PTPRM: variants seen among roughly 807,000 people sequenced by gnomAD.
The protein encoded by PTPRM is receptor-type tyrosine-protein phosphatase mu.
Under a neutral mutation model 186.7 loss-of-function variants are expected in PTPRM, and 47 were observed. The observed-to-expected ratio is 0.25, with a 90% CI of 0.20 to 0.32. The LOEUF (loss-of-function observed/expected upper bound fraction) is 0.32, where lower values mean the gene tolerates loss of function less well. Ranked by LOEUF, PTPRM falls within the 10% of genes least tolerant of loss-of-function variation. The probability of loss-of-function intolerance (pLI) is 1.00; values close to 1 mark genes in which losing one functional copy is unlikely to be tolerated. For synonymous variants in PTPRM, 668 were observed against 674.9 expected (o/e 0.99, Z 0.16); for missense variants, 1,494 against 1,865.0 (o/e 0.80, Z 3.66).
chr18:7,876,140 A>G (rs1051656133), intron 2 of PTPRM, among the ~76,000 whole-genome samples: 6 of 148,774 alleles, frequency 4.0e-5, no homozygotes, highest in African/African-American at 5.0e-5. Flanking sequence ...GTGTGTGTGC[A>G]TGTGTGTGTG....
intron 14 of PTPRM, among the ~76,000 whole-genome samples, chr18:8,241,068 C>T (rs1215327454): frequency 6.6e-6 from 1 of 152,186 alleles, no homozygotes; most frequent in Non-Finnish European, 1.5e-5. Flanking sequence ...TGGCTCATGC[C>T]TGTAATCCCA....
intron 1 of PTPRM, among the ~76,000 whole-genome samples, chr18:7,723,374 A>G (rs556955647): frequency 6.6e-6 from 1 of 152,318 alleles, no homozygotes; most frequent in South Asian, 2.1e-4. Context: ...AGTAGATACC[A>G]TTAACCTAAT....
Position 8,076,544 on chromosome 18 carries a change from G to A in PTPRM, c.1531G>A (p.Gly511Ser). ...LQWREPTQTY[G>S]VITLYEITYK... ...GTGGAGAGAACCAACTCAAACATAT[G>A]GTGTAATCACTTTATATGAGGTAAT... Residue 511 changes from glycine to serine, a missense_variant, in exon 9 of 33, where the codon GGT becomes AGT. Gly to Ser is a moderately conservative substitution (Grantham distance 56). This residue lies in a region of PTPRM where 1,107 missense variants were observed against 1,350.2 expected (regional missense o/e 0.82). Coordinates refer to ENST00000580170, the MANE Select transcript of PTPRM (RefSeq NM_001105244.2). The A allele has an allele frequency of 6.3e-7, 1 of 1,575,756 alleles. No homozygotes were observed. The highest frequency in any genetic ancestry group is 8.7e-7 in the Non-Finnish European group (1 of 1,147,040).
chr18:8,298,090 T>C (rs6506572), intron 20 of PTPRM, among the ~76,000 whole-genome samples: 105,246 of 152,120 alleles, frequency 0.69, 37,742 homozygotes, highest in African/African-American at 0.87. Flanking sequence ...GGCAGTAGTC[T>C]AGCGCCGTGA....
chr18:8,135,963 C>G (rs989785848), intron 13 of PTPRM, among the ~76,000 whole-genome samples: 1 of 152,158 alleles, frequency 6.6e-6, no homozygotes, highest in Non-Finnish European at 1.5e-5. Flanking sequence ...TTGCAAACAA[C>G]AACTACTTTG....
At chr18:8,306,533 A>T (rs1471270125) in intron 20 of PTPRM, among the ~76,000 whole-genome samples, 1 of 152,254 alleles carries the variant, frequency 6.6e-6, no homozygotes, top group Non-Finnish European at 1.5e-5. Context: ...TCTCAAACTT[A>T]GCAGGCTGTG....
intron 17 of PTPRM, among the ~76,000 whole-genome samples, chr18:8,251,324 C>G (rs971306428): frequency 6.6e-6 from 1 of 152,148 alleles, no homozygotes; most frequent in Non-Finnish European, 1.5e-5. Context: ...ACGAGAGAGG[C>G]ACAGAGGGGA....
At chr18:8,267,652 T>G (rs563037328) in intron 19 of PTPRM, among the ~76,000 whole-genome samples, 5 of 152,302 alleles carry the variant, frequency 3.3e-5, no homozygotes, top group African/African-American at 1.2e-4. Flanking sequence ...TTTCAAGAGA[T>G]GAAATTACTA....
At chr18:8,385,466 G>A (rs2095766050) in intron 30 of PTPRM, among the ~76,000 whole-genome samples, 1 of 152,244 alleles carries the variant, frequency 6.6e-6, no homozygotes, top group Non-Finnish European at 1.5e-5. Flanking sequence ...TGTGAGCCAA[G>A]ACGGAGGAGT....
At position 8,379,272 on chromosome 18, in the gene PTPRM, C is replaced by G; in HGVS notation, c.3718C>G (p.Arg1240Gly). The G allele has an allele frequency of 6.2e-7, 1 of 1,614,118 alleles. No homozygotes were observed. The highest frequency in any genetic ancestry group is 8.5e-7 in the Non-Finnish European group (1 of 1,180,016). The change falls in exon 28 of 33, where the codon CGC becomes GGC. Residue 1240 changes from arginine (R) to glycine (G), a missense_variant. By Grantham distance (125) the Arg-to-Gly change is moderately radical. Around this residue, in one of 3 missense-constraint regions of PTPRM, gnomAD observed 1,107 missense variants for 1,350.2 expected, o/e 0.82. Transcript: ENST00000580170. ...NRCMDILPPD[R>G]CLPFLITIDG... ...GTGCATGGACATCCTGCCCCCAGACCGCTGCCTGCCCTTCCTCATCACCAT... is the reference window on the plus strand; with the variant it reads ...GTGCATGGACATCCTGCCCCCAGACGGCTGCCTGCCCTTCCTCATCACCAT...
At chr18:7,630,488 C>T (rs1026413582) in intron 1 of PTPRM, among the ~76,000 whole-genome samples, 5 of 152,024 alleles carry the variant, frequency 3.3e-5, no homozygotes, top group Non-Finnish European at 7.4e-5. Context: ...GAGACTGTCT[C>T]CTGAGAGATG....
At chr18:8,027,219 A>G (rs750234093) in intron 7 of PTPRM, among the ~76,000 whole-genome samples, 6 of 152,216 alleles carry the variant, frequency 3.9e-5, no homozygotes, top group African/African-American at 7.2e-5. Context: ...TGATTTATGC[A>G]CTTAAGGATT....
chr18:8,139,418 A>G (rs1006005433), intron 13 of PTPRM, among the ~76,000 whole-genome samples: 3 of 152,146 alleles, frequency 2.0e-5, no homozygotes, highest in Non-Finnish European at 2.9e-5. Context: ...ATAGCCTCGT[A>G]ACTGAGGTCC....
At chr18:8,079,794 T>C (rs2090029110) in intron 9 of PTPRM, among the ~76,000 whole-genome samples, 1 of 152,032 alleles carries the variant, frequency 6.6e-6, no homozygotes. Flanking sequence ...TTATATAAAA[T>C]TTTAAACTTC....
intron 21 of PTPRM, among the ~76,000 whole-genome samples, chr18:8,315,290 CCTAA>C (rs1568730783): frequency 6.6e-6 from 1 of 152,180 alleles, no homozygotes; most frequent in Admixed American, 6.5e-5. Flanking sequence ...CTCTCTAATT[CCTAA>C]TACGGCGATT....
intron 11 of PTPRM, among the ~76,000 whole-genome samples, chr18:8,096,045 T>A (rs1287531217): frequency 6.6e-6 from 1 of 152,204 alleles, no homozygotes; most frequent in Non-Finnish European, 1.5e-5. Context: ...CCTTAACCCC[T>A]TTGCTGTGGG....
intron 14 of PTPRM, among the ~76,000 whole-genome samples, chr18:8,177,109 C>G (rs570231605): frequency 2.8e-4 from 43 of 152,268 alleles, no homozygotes; most frequent in Admixed American, 4.6e-4. Flanking sequence ...TGTTCAAATA[C>G]TGATGCCTTT....
At chr18:8,078,108 G>A (rs186726129) in intron 9 of PTPRM, among the ~76,000 whole-genome samples, 2 of 152,278 alleles carry the variant, frequency 1.3e-5, no homozygotes, top group East Asian at 3.9e-4. Context: ...TGTGATCCAG[G>A]CCAAAGTGAT....
At chr18:7,684,022 G>A (rs911896209) in intron 1 of PTPRM, among the ~76,000 whole-genome samples, 3 of 152,082 alleles carry the variant, frequency 2.0e-5, no homozygotes, top group African/African-American at 4.8e-5. Flanking sequence ...GGCCTGCAGT[G>A]GTTTATCCAG....
Sources: allele counts gnomAD v4.1 joint callset (sites outside exome capture counted in the v4.1 genomes callset), GRCh38; gene constraint gnomAD v4.1.1; regional missense constraint gnomAD v4.1.1; transcripts MANE v1.5; gene names NCBI Gene and HGNC (gene_info 2026-07-23, HGNC 2026-07-21).